The following PLEKHA6 variants were observed in gnomAD, a reference collection of about 807,000 sequenced individuals.
PLEKHA6 encodes pleckstrin homology domain-containing family A member 6.
In PLEKHA6, 60 loss-of-function variants were observed where a neutral mutation model predicts 116.7. The ratio of observed to expected loss-of-function variants is 0.51; its 90% CI spans 0.42 to 0.64. The LOEUF (loss-of-function observed/expected upper bound fraction) is 0.64. PLEKHA6 is among the 30% of genes least tolerant of loss of function. PLEKHA6 has a pLI of 0.00. For missense variants in PLEKHA6, 1,338 were observed against 1,422.7 expected, an observed-to-expected ratio of 0.94 and a Z score of 0.96; for synonymous variants, 489 against 556.1, an observed-to-expected ratio of 0.88 and a Z score of 1.70.
At chr1:204,300,218 T>C (rs552395868) in intron 1 of PLEKHA6, among the ~76,000 whole-genome samples, 7 of 152,226 alleles carry the variant, frequency 4.6e-5, no homozygotes, top group African/African-American at 1.7e-4. Context: ...CCTAATTGAA[T>C]TCTCCCTATT....
intron 1 of PLEKHA6, among the ~76,000 whole-genome samples, chr1:204,328,399 C>CTTTT (rs796534954): frequency 7.9e-6 from 1 of 125,870 alleles, no homozygotes; most frequent in Non-Finnish European, 1.7e-5. Context: ...AATTTTCTTT[C>CTTTT]TTTTTTTTTT....
intron 18 of PLEKHA6, 122 bp from the exon 19 acceptor site, chr1:204,229,226 C>T (rs929727682): frequency 4.6e-6 from 4 of 868,060 alleles, no homozygotes; most frequent in South Asian, 1.6e-5. Flanking sequence ...CCACTGCTCC[C>T]ACCATACCCC....
chr1:204,281,617 C>G (rs923098845), intron 1 of PLEKHA6, among the ~76,000 whole-genome samples: 4 of 152,180 alleles, frequency 2.6e-5, no homozygotes, highest in Non-Finnish European at 5.9e-5. Flanking sequence ...CCTACTGTCT[C>G]TCTTCCATGT....
At chr1:204,243,252 C>T (rs1388883104) in intron 15 of PLEKHA6, 5 of 399,588 alleles carry the variant, frequency 1.3e-5, no homozygotes, top group Non-Finnish European at 2.2e-5. Context: ...GAGGCCGAGG[C>T]GGGCCAGGTT....
At chr1:204,305,870 C>T (rs1671249300) in intron 1 of PLEKHA6, among the ~76,000 whole-genome samples, 1 of 152,182 alleles carries the variant, frequency 6.6e-6, no homozygotes, top group African/African-American at 2.4e-5. Flanking sequence ...TATATGATTT[C>T]TTAGGCTTAA....
intron 1 of PLEKHA6, among the ~76,000 whole-genome samples, chr1:204,342,957 T>C (rs1672899218): frequency 6.6e-6 from 1 of 152,184 alleles, no homozygotes; most frequent in African/African-American, 2.4e-5. Flanking sequence ...AACAGCATTA[T>C]AAAAAGGACG....
intron 17 of PLEKHA6, among the ~76,000 whole-genome samples, chr1:204,233,965 G>T (rs1441768805): frequency 6.6e-6 from 1 of 152,130 alleles, no homozygotes; most frequent in African/African-American, 2.4e-5. Context: ...AAGTGAAATG[G>T]GCATGAAATT....
At chr1:204,356,162 T>C (rs1263692568) in intron 1 of PLEKHA6, among the ~76,000 whole-genome samples, 2 of 152,248 alleles carry the variant, frequency 1.3e-5, no homozygotes, top group Non-Finnish European at 2.9e-5. Flanking sequence ...ATTTATATGT[T>C]CATTGTAGCC....
At chr1:204,303,567 A>G (rs1376353631) in intron 1 of PLEKHA6, among the ~76,000 whole-genome samples, 2 of 152,174 alleles carry the variant, frequency 1.3e-5, no homozygotes, top group East Asian at 1.9e-4. Flanking sequence ...CATGTGTCTC[A>G]GATTCTGGCA....
chr1:204,304,823 T>G (rs1671133652), intron 1 of PLEKHA6, among the ~76,000 whole-genome samples: 1 of 152,056 alleles, frequency 6.6e-6, no homozygotes, highest in Non-Finnish European at 1.5e-5. Flanking sequence ...GTAGGGCAGG[T>G]ATGGAAGGGA....
At chr1:204,225,024 T>A (rs1394689835) in intron 21 of PLEKHA6, among the ~76,000 whole-genome samples, 1 of 152,176 alleles carries the variant, frequency 6.6e-6, no homozygotes. Flanking sequence ...CTAAAAGGTG[T>A]TGACTCGCTG....
chr1:204,256,350 A>G (rs1177657226), intron 9 of PLEKHA6, among the ~76,000 whole-genome samples: 1 of 152,136 alleles, frequency 6.6e-6, no homozygotes, highest in African/African-American at 2.4e-5. Flanking sequence ...GAGGAGATGC[A>G]ATTCGGAAAA....
intron 5 of PLEKHA6, among the ~76,000 whole-genome samples, chr1:204,266,099 C>T (rs1302118516): frequency 6.6e-6 from 1 of 151,986 alleles, no homozygotes; most frequent in African/African-American, 2.4e-5. Flanking sequence ...TCCTTAAGCC[C>T]TGCTTCTCCT....
intron 1 of PLEKHA6, among the ~76,000 whole-genome samples, chr1:204,296,656 C>T (rs1392225745): frequency 2.6e-5 from 4 of 152,228 alleles, no homozygotes; most frequent in Non-Finnish European, 5.9e-5. Context: ...TGGCTGCAGA[C>T]GTGCTCTGTG....
At chr1:204,309,346 A>T (rs1671567485) in intron 1 of PLEKHA6, among the ~76,000 whole-genome samples, 1 of 152,202 alleles carries the variant, frequency 6.6e-6, no homozygotes, top group Non-Finnish European at 1.5e-5. Context: ...TGACTAATAT[A>T]TCATTGTACA....
intron 1 of PLEKHA6, chr1:204,275,593 T>C (rs931477059): frequency 9.4e-6 from 5 of 531,342 alleles, no homozygotes; most frequent in Non-Finnish European, 1.2e-5. Flanking sequence ...TGGAGCCTCC[T>C]TGGGAAGACC....
In PLEKHA6 at chr1:204,311,563, G is replaced by A. The variant is rs1055046315; in HGVS notation, c.-94-36754C>T. ...AGAACTAAGCAGATTAAGGCTTCTT[G>A]AGTGTAACAAAAAAAAACTAATGAT... is the stretch of plus-strand genomic sequence containing the variant. On this transcript the variant is annotated intron_variant, in intron 1 of 22. Transcript: ENST00000272203. 44 of 947,626 alleles carry A rather than the reference G, an allele frequency of 4.6e-5. No individual in the cohort carries two copies. The Admixed American group carries it at 8.7e-4, about 19-fold the overall frequency. The allele number at this position is 947,626 out of a possible 1,614,324, so 58.7% of individuals were successfully genotyped here.
intron 1 of PLEKHA6, among the ~76,000 whole-genome samples, chr1:204,357,469 T>A (rs3014614): frequency 6.6e-6 from 1 of 152,058 alleles, no homozygotes; most frequent in Non-Finnish European, 1.5e-5. Flanking sequence ...AAATATAGTC[T>A]TTTTTTCCTC....
At chr1:204,252,400 C>G (rs1316282482) in intron 9 of PLEKHA6, among the ~76,000 whole-genome samples, 1 of 151,886 alleles carries the variant, frequency 6.6e-6, no homozygotes, top group Non-Finnish European at 1.5e-5. Context: ...AACCAATCAA[C>G]CAGAAATGCC....
Sources: allele counts gnomAD v4.1 joint callset (sites outside exome capture counted in the v4.1 genomes callset), GRCh38; gene constraint gnomAD v4.1.1; transcripts MANE v1.5; gene names NCBI Gene and HGNC (gene_info 2026-07-23, HGNC 2026-07-21).